Variants in PDE7B observed in about 807,000 individuals in gnomAD.
PDE7B encodes the protein 3',5'-cyclic-AMP phosphodiesterase 7B.
A neutral mutation model predicts 56.2 loss-of-function variants in PDE7B; 29 were observed. That is an observed-to-expected ratio of 0.52 (90% CI 0.38 to 0.70). PDE7B has a LOEUF of 0.70. Ranked by LOEUF, PDE7B falls within the 30% of genes least tolerant of loss-of-function variation. PDE7B has a pLI of 0.00. For missense variants in PDE7B, 490 were observed against 565.0 expected (o/e 0.87, Z 1.35); for synonymous variants, 197 against 196.9 (o/e 1.00, Z 0.00).
At chr6:135,902,824 A>G (rs1478865730) in intron 1 of PDE7B, among the ~76,000 whole-genome samples, 6 of 152,220 alleles carry the variant, frequency 3.9e-5, no homozygotes, top group African/African-American at 1.4e-4. Flanking sequence ...AATAGCTAAT[A>G]GAAATGTAGC....
At chr6:136,010,491 C>T (rs540615059) in intron 2 of PDE7B, among the ~76,000 whole-genome samples, 2 of 151,116 alleles carry the variant, frequency 1.3e-5, no homozygotes, top group African/African-American at 2.4e-5. Context: ...CTGCAACCTC[C>T]ACCTCCTGGG....
At chr6:136,000,492 T>C (rs1416514083) in intron 2 of PDE7B, among the ~76,000 whole-genome samples, 6 of 152,188 alleles carry the variant, frequency 3.9e-5, no homozygotes, top group Non-Finnish European at 8.8e-5. Context: ...CCCAGCACCA[T>C]TTATTGAATA....
At chr6:136,113,134 T>G (rs919150256) in intron 3 of PDE7B, among the ~76,000 whole-genome samples, 1 of 152,224 alleles carries the variant, frequency 6.6e-6, no homozygotes, top group Admixed American at 6.5e-5. Context: ...TGAAAATTGC[T>G]AACAGAGTAG....
chr6:136,134,778 T>G (rs1778183037), intron 3 of PDE7B, among the ~76,000 whole-genome samples: 1 of 149,508 alleles, frequency 6.7e-6, no homozygotes, highest in African/African-American at 2.5e-5. Context: ...CCAGCAGATT[T>G]TGCCAAAAAT....
rs116674653 is a variant in PDE7B, at chr6:136,116,082, A to G, written c.166+7268A>G. On this transcript the variant is annotated intron_variant, in intron 3 of 12. Transcript: ENST00000308191. ...TACCATACAACAAAGTAAATGATCT[A>G]ATTCTAAAATAAGTAACAATAATCA... Among the ~76,000 whole-genome samples, 499 of 152,342 alleles carry G rather than the reference A, an allele frequency of 3.3e-3. 2 individuals carry two copies. The highest frequency in any genetic ancestry group is 0.011 in the African/African-American group (468 of 41,572).
At chr6:136,015,660 A>T (rs747286813) in intron 2 of PDE7B, among the ~76,000 whole-genome samples, 1 of 152,196 alleles carries the variant, frequency 6.6e-6, no homozygotes, top group Non-Finnish European at 1.5e-5. Context: ...GCTGGCATTC[A>T]GATAACCCCT....
chr6:135,994,701 T>C (rs17835277), intron 2 of PDE7B, among the ~76,000 whole-genome samples: 2,653 of 152,308 alleles, frequency 0.017, 36 homozygotes, highest in Middle Eastern at 0.031. Flanking sequence ...CAAGCACTTA[T>C]TGAGGATCTA....
chr6:135,858,215 C>T (rs532366328), intron 1 of PDE7B, among the ~76,000 whole-genome samples: 14 of 152,088 alleles, frequency 9.2e-5, no homozygotes, highest in East Asian at 1.9e-4. Context: ...TGAAGTGGCA[C>T]GATCTTGTCT....
chr6:136,097,979 C>T (rs1719441006), intron 2 of PDE7B: 1 of 152,092 alleles, frequency 6.6e-6, no homozygotes, highest in Non-Finnish European at 1.5e-5. Context: ...TTATGCCAGA[C>T]AAGACAACAT....
chr6:135,863,800 T>C (rs994767901), intron 1 of PDE7B, among the ~76,000 whole-genome samples: 5 of 151,974 alleles, frequency 3.3e-5, no homozygotes, highest in Admixed American at 6.6e-5. Flanking sequence ...TTTATTCTTT[T>C]AGTTTTAAAT....
chr6:136,051,081 C>T (rs1776617367), intron 2 of PDE7B, among the ~76,000 whole-genome samples: 1 of 147,194 alleles, frequency 6.8e-6, no homozygotes, highest in South Asian at 2.2e-4. Flanking sequence ...TACTCTGAAC[C>T]ATTGCAGAAA....
intron 2 of PDE7B, among the ~76,000 whole-genome samples, chr6:136,048,594 G>C (rs2128210869): frequency 6.6e-6 from 1 of 152,274 alleles, no homozygotes; most frequent in African/African-American, 2.4e-5. Context: ...TGGGGGTCAG[G>C]TTGCCATTGG....
intron 2 of PDE7B, among the ~76,000 whole-genome samples, chr6:136,106,124 A>G (rs1777641123): frequency 6.6e-6 from 1 of 152,132 alleles, no homozygotes; most frequent in Admixed American, 6.5e-5. Context: ...GAAGGAGCCC[A>G]TGAGATTACA....
intron 1 of PDE7B, among the ~76,000 whole-genome samples, chr6:135,878,901 C>T (rs927898168): frequency 1.3e-5 from 2 of 152,044 alleles, no homozygotes; most frequent in African/African-American, 4.8e-5. Context: ...TATGGGCCTG[C>T]CCCCTTTTTT....
intron 3 of PDE7B, among the ~76,000 whole-genome samples, chr6:136,127,295 A>G (rs1398881442): frequency 1.3e-5 from 2 of 151,944 alleles, no homozygotes; most frequent in Non-Finnish European, 2.9e-5. Context: ...CCCCCCCAAC[A>G]TTTCCCCAAT....
At chr6:136,069,084 G>A (rs1228249298) in intron 2 of PDE7B, among the ~76,000 whole-genome samples, 1 of 152,164 alleles carries the variant, frequency 6.6e-6, no homozygotes. Flanking sequence ...TCCCCTCATA[G>A]CCTGAACTAG....
intron 2 of PDE7B, among the ~76,000 whole-genome samples, chr6:136,085,437 T>C (rs779173073): frequency 6.6e-6 from 1 of 152,208 alleles, no homozygotes; most frequent in Non-Finnish European, 1.5e-5. Flanking sequence ...ATTAATCTGT[T>C]TTGAAATGTG....
intron 1 of PDE7B, among the ~76,000 whole-genome samples, chr6:135,933,214 A>G (rs1273332984): frequency 6.6e-6 from 1 of 152,248 alleles, no homozygotes; most frequent in Admixed American, 6.5e-5. Flanking sequence ...CAGTTATGTA[A>G]CATATGTCAT....
intron 2 of PDE7B, among the ~76,000 whole-genome samples, chr6:135,964,615 C>T (rs745947204): frequency 3.9e-5 from 6 of 152,028 alleles, no homozygotes; most frequent in Non-Finnish European, 5.9e-5. Context: ...ATACTCTGAG[C>T]CTGGATAATC....
Sources: gnomAD v4.1 joint callset for allele counts (sites outside exome capture counted in the v4.1 genomes callset) on GRCh38, gnomAD v4.1.1 for gene constraint, MANE v1.5 for transcripts, NCBI Gene and HGNC (gene_info 2026-07-23, HGNC 2026-07-21) for gene names.